Variants in FOXF2 observed in about 807,000 individuals in gnomAD.
The protein encoded by FOXF2 is forkhead box F2, also known as forkhead box protein F2.
In FOXF2, 15 loss-of-function variants were observed where a neutral mutation model predicts 29.1. The ratio of observed to expected loss-of-function variants is 0.52; its 90% CI spans 0.35 to 0.79. The LOEUF is 0.79. Among genes scored for constraint, FOXF2 ranks in the 30% least tolerant of loss-of-function variants. The pLI, the probability that FOXF2 is intolerant of heterozygous loss-of-function variation, is 0.01. For synonymous variants in FOXF2, 337 were observed against 316.5 expected, an observed-to-expected ratio of 1.06 and a Z score of -0.69; for missense variants, 675 against 667.1, an observed-to-expected ratio of 1.01 and a Z score of -0.13.
chr6:1,394,990 G>C lies in FOXF2; in HGVS notation c.*131G>C. On this transcript the variant is annotated 3_prime_UTR_variant, in exon 2 of 2. Transcript: ENST00000645481. ...CACACACCTGCCACTTAGCCAGAAT[G>C]CCCAGGATCGCGTTGGTCACTGTTA... The C allele has an allele frequency of 1.1e-6, 1 of 905,534 alleles. No homozygotes were observed. Among genetic ancestry groups the C allele is most frequent in the Non-Finnish European group, 1.8e-6 (1 of 571,190 alleles). The allele number at this position is 905,534 out of a possible 1,614,324, so 56.1% of individuals were successfully genotyped here. A position where few individuals can be genotyped will look rare whatever the true frequency, so the allele number is the denominator to read the frequency against.
chr6:1,390,623 G>A lies in FOXF2; in HGVS notation c.676G>A (p.Asp226Asn). Residue 226 changes from aspartate to asparagine, a missense_variant, in exon 1 of 2, where the codon GAC becomes AAC. Coordinates refer to ENST00000645481, the MANE Select transcript of FOXF2 (RefSeq NM_001452.2). The surrounding 1 kb of genome is among the most constrained non-coding windows in gnomAD (Gnocchi z 8.5). ...FGASLLPQGF[D>N]FQAPPSAPLG... ...GGCGTCGCTGCTGCCCCAGGGCTTC[G>A]ACTTCCAGGCGCCCCCGTCGGCGCC... 6.3e-7 allele frequency: 1 copy of A among 1,586,616 alleles called. No homozygotes were observed. Among genetic ancestry groups the A allele is most frequent in the Non-Finnish European group, 8.5e-7 (1 of 1,174,140 alleles).
Position 1,389,957 on chromosome 6 carries a change from G to C in FOXF2, c.10G>C (p.Glu4Gln), listed in dbSNP as rs1366299873. The C allele has an allele frequency of 2.0e-6, 2 of 996,826 alleles. No individual in the cohort carries two copies. Among genetic ancestry groups the C allele is most frequent in the Admixed American group, 5.8e-5 (1 of 17,264 alleles). 61.7% of individuals were successfully genotyped at this position (996,826 alleles called of 1,614,324 possible). Residue 4 changes from glutamate (E) to glutamine (Q), a missense_variant, in exon 1 of 2, where the codon GAG (glutamate) becomes CAG (glutamine). Around this residue, in one of 3 missense-constraint regions of FOXF2, gnomAD observed 220 missense variants for 205.5 expected, o/e 1.07. Coordinates refer to ENST00000645481, the MANE Select transcript of FOXF2 (RefSeq NM_001452.2). MTT[E>Q]GGPPPAPLRR... is the part of the protein sequence containing the mutation. ...CGCTCCCGGGTCCCAGATGACCACC[G>C]AGGGCGGGCCGCCGCCGGCCCCGCT...
intron 1 of FOXF2, among the ~76,000 whole-genome samples, chr6:1,393,297 G>C (rs933992490): frequency 2.6e-5 from 4 of 152,074 alleles, no homozygotes; most frequent in African/African-American, 9.7e-5. Context: ...GAGCACTTCA[G>C]GAAGGAGCTC....
Position 1,389,925 on chromosome 6 carries a change from C to T in FOXF2, c.-23C>T. 1.6e-5 allele frequency: 15 copies of T among 944,668 alleles called. No individual in the cohort carries two copies. Among genetic ancestry groups the T allele is most frequent in the Non-Finnish European group, 1.9e-5 (15 of 794,376 alleles). The allele number at this position is 944,668 out of a possible 1,614,324, so 58.5% of individuals were successfully genotyped here. On this transcript the variant is annotated 5_prime_UTR_variant, in exon 1 of 2. Transcript: ENST00000645481. Reference sequence around the variant, plus strand: ...CCCGCCCGGGGCCCGCCCTCGCGGCCCGGCCTCGCTCCCGGGTCCCAGATG... The same window carrying T: ...CCCGCCCGGGGCCCGCCCTCGCGGCTCGGCCTCGCTCCCGGGTCCCAGATG...
At chr6:1,392,024 T>C (rs796220470) in intron 1 of FOXF2, among the ~76,000 whole-genome samples, 7 of 152,312 alleles carry the variant, frequency 4.6e-5, no homozygotes, top group African/African-American at 1.7e-4. Context: ...TCGGAGCACC[T>C]AGGGCTGCAG....
Position 1,394,949 on chromosome 6 carries a change from G to C in FOXF2, c.*90G>C. The C allele has an allele frequency of 7.5e-7, 1 of 1,329,352 alleles. No homozygotes were observed. Among genetic ancestry groups the C allele is most frequent in the South Asian group, 1.2e-5 (1 of 84,780 alleles). The allele number at this position is 1,329,352 out of a possible 1,614,324, so 82.3% of individuals were successfully genotyped here. A position where few individuals can be genotyped will look rare whatever the true frequency, so the allele number is the denominator to read the frequency against. On this transcript the variant is annotated 3_prime_UTR_variant, in exon 2 of 2. Coordinates refer to ENST00000645481, the MANE Select transcript of FOXF2 (RefSeq NM_001452.2). ...TGGGACGGATTCAAGTCACATGCAC[G>C]CGGATAGCAGTAAGCCACACACCTG...
rs1282417731 is a variant in FOXF2 at position 1,394,896 on chromosome 6, C to A, written c.*37C>A. The A allele has an allele frequency of 6.2e-7, 1 of 1,609,712 alleles. No individual in the cohort carries two copies. The highest frequency in any genetic ancestry group is 8.5e-7 in the Non-Finnish European group (1 of 1,176,176). On this transcript the variant is annotated 3_prime_UTR_variant, in exon 2 of 2. Coordinates refer to ENST00000645481, the MANE Select transcript of FOXF2 (RefSeq NM_001452.2). Reference sequence around the variant, plus strand: ...CCAAGCGATGGCCGCTCTCTCCTCTCCCCTCCTCAGAGGGGGCAGATAGAA... The same window carrying A: ...CCAAGCGATGGCCGCTCTCTCCTCTACCCTCCTCAGAGGGGGCAGATAGAA...
Position 1,389,815 on chromosome 6 carries a change from C to A in FOXF2, c.-133C>A, listed in dbSNP as rs1198711564. ...AGGGAGGCGACGCCGAAGCGCTGGC[C>A]CGGAGTGGCCACGGCTGCAGCCCGG... is the stretch of plus-strand genomic sequence containing the variant. On this transcript the variant is annotated 5_prime_UTR_variant, in exon 1 of 2. Transcript: ENST00000645481. 2 of 163,272 alleles carry A rather than the reference C, an allele frequency of 1.2e-5. No homozygotes were observed. Among genetic ancestry groups the A allele is most frequent in the South Asian group, 1.7e-4 (1 of 5,780 alleles). 10.1% of individuals were successfully genotyped at this position (163,272 alleles called of 1,614,324 possible).
At position 1,389,658 on chromosome 6, in the gene FOXF2, C is replaced by G. The variant is rs1227789154; in HGVS notation, c.-290C>G. 5 of 150,296 alleles carry G rather than the reference C, an allele frequency of 3.3e-5. No homozygotes were observed. Among genetic ancestry groups the G allele is most frequent in the Admixed American group, 2.6e-4 (4 of 15,118 alleles). 9.3% of individuals were successfully genotyped at this position (150,296 alleles called of 1,614,324 possible). ...GGTCCCACTCGCGGGCGCAGTCGCC[C>G]GGCGCCGGCCGCTCGGCCCCGCGGC... On this transcript the variant is annotated 5_prime_UTR_variant, in exon 1 of 2. Coordinates refer to ENST00000645481, the MANE Select transcript of FOXF2 (RefSeq NM_001452.2).
chr6:1,394,899 C>T lies in FOXF2; in HGVS notation c.*40C>T, dbSNP rs760676267. ...AGCGATGGCCGCTCTCTCCTCTCCC[C>T]TCCTCAGAGGGGGCAGATAGAAACT... On this transcript the variant is annotated 3_prime_UTR_variant, in exon 2 of 2. Transcript: ENST00000645481. 5 of 1,607,104 alleles carry T rather than the reference C, an allele frequency of 3.1e-6. No homozygotes were observed. The highest frequency in any genetic ancestry group is 1.7e-4 in the Middle Eastern group (1 of 6,044).
At position 1,391,124 on chromosome 6, in the gene FOXF2, G is replaced by A. The variant is rs1346492403; in HGVS notation, c.1171+6G>A. 5.6e-6 allele frequency: 9 copies of A among 1,600,240 alleles called. No homozygotes were observed. Among genetic ancestry groups the A allele is most frequent in the Non-Finnish European group, 6.8e-6 (8 of 1,179,740 alleles). ...CGCTCGCGAGGACCTCTCAGGTAAC[G>A]CAGCACGCTCCAGCCCAGCCAGCTG... On this transcript the variant is annotated splice_donor_region_variant and intron_variant, in intron 1 of 1. Coordinates refer to ENST00000645481, the MANE Select transcript of FOXF2 (RefSeq NM_001452.2).
chr6:1,391,132 C>T lies in FOXF2; in HGVS notation c.1171+14C>T, dbSNP rs768536185. 5.0e-6 allele frequency: 8 copies of T among 1,599,606 alleles called. No homozygotes were observed. The highest frequency in any genetic ancestry group is 5.1e-6 in the Non-Finnish European group (6 of 1,179,724). On this transcript the variant is annotated intron_variant, in intron 1 of 1. Coordinates refer to ENST00000645481, the MANE Select transcript of FOXF2 (RefSeq NM_001452.2). ...AGGACCTCTCAGGTAACGCAGCACG[C>T]TCCAGCCCAGCCAGCTGGGCGCACC...
rs759285624 is a variant in FOXF2, at chr6:1,390,843, C to T, written c.896C>T (p.Ala299Val). Residue 299 changes from alanine (A) to valine (V), a missense_variant, in exon 1 of 2, where the codon GCG (alanine) becomes GTG (valine). By Grantham distance (64) the Ala-to-Val change is moderately conservative (BLOSUM62 0). Transcript: ENST00000645481. The surrounding 1 kb of genome is among the most constrained non-coding windows in gnomAD (Gnocchi z 8.5). ...PVPAGPGGVG[A>V]AGGGGGGDYG... ...CCCGCGGGACCCGGGGGCGTCGGTG[C>T]GGCCGGGGGCGGCGGCGGCGGCGAC... 2 of 1,374,038 alleles carry T rather than the reference C, an allele frequency of 1.5e-6. No individual in the cohort carries two copies. Among genetic ancestry groups the T allele is most frequent in the South Asian group, 1.6e-5 (1 of 60,724 alleles). The allele number at this position is 1,374,038 out of a possible 1,614,324, so 85.1% of individuals were successfully genotyped here.
At chr6:1,392,473 C>CACAT (rs1366223118) in intron 1 of FOXF2, among the ~76,000 whole-genome samples, 2 of 150,778 alleles carry the variant, frequency 1.3e-5, no homozygotes, top group Non-Finnish European at 3.0e-5. Flanking sequence ...CACACACACA[C>CACAT]ACACCCCTCG....
Position 1,394,678 on chromosome 6 carries a change from T to A in FOXF2, c.1172-18T>A. The A allele has an allele frequency of 1.2e-6, 2 of 1,613,990 alleles. No individual in the cohort carries two copies. ...TGACTTTGTTTCTGAAGAGGTTTTT[T>A]TTTCTTTCTTCTTTCAGTGGGACTG... On this transcript the variant is annotated intron_variant, in intron 1 of 1. Transcript: ENST00000645481.
intron 1 of FOXF2, among the ~76,000 whole-genome samples, chr6:1,394,336 G>T (rs144969773): frequency 0.016 from 2,481 of 152,254 alleles, 34 homozygotes; most frequent in South Asian, 0.03. Context: ...TGCCGGGAGA[G>T]ACCCGGAACC....
chr6:1,391,211 C>T (rs952664469), intron 1 of FOXF2, 93 bp downstream of exon 1: 4 of 1,560,320 alleles, frequency 2.6e-6, no homozygotes, highest in Admixed American at 3.7e-5. Flanking sequence ...ACAGGGACCC[C>T]GAAGCTAGGA....
In FOXF2 at chr6:1,390,642, C is replaced by G. The variant is rs1294268272; in HGVS notation, c.695C>G (p.Ser232Trp). Residue 232 changes from serine to tryptophan, a missense_variant, in exon 1 of 2, where the codon TCG becomes TGG. By Grantham distance (177) the Ser-to-Trp change is radical. Coordinates refer to ENST00000645481, the MANE Select transcript of FOXF2 (RefSeq NM_001452.2). This position sits in a 1 kb window ranked among gnomAD's most constrained non-coding sequence, Gnocchi z 8.5. ...PQGFDFQAPP[S>W]APLGCHSQGG... is the part of the protein sequence containing the mutation. ...GGCTTCGACTTCCAGGCGCCCCCGTCGGCGCCGCTCGGCTGCCACAGCCAG... is the reference window on the plus strand; with the variant it reads ...GGCTTCGACTTCCAGGCGCCCCCGTGGGCGCCGCTCGGCTGCCACAGCCAG... 6.4e-7 allele frequency: 1 copy of G among 1,572,522 alleles called. No homozygotes were observed. The highest frequency in any genetic ancestry group is 1.4e-5 in the African/African-American group (1 of 72,422).
At position 1,395,163 on chromosome 6, in the gene FOXF2, G is replaced by A. The variant is rs765491423; in HGVS notation, c.*304G>A. The A allele has an allele frequency of 1.9e-5, 8 of 421,970 alleles. No homozygotes were observed. The highest frequency in any genetic ancestry group is 1.1e-4 in the South Asian group (4 of 37,210). The allele number at this position is 421,970 out of a possible 1,614,324, so 26.1% of individuals were successfully genotyped here. A position where few individuals can be genotyped will look rare whatever the true frequency, so the allele number is the denominator to read the frequency against. Reference sequence around the variant, plus strand: ...ATCAACGTGTATCTGTGGGATCTTCGTTGCCTTCAGTAATCAGGGTGTGAA... The same window carrying A: ...ATCAACGTGTATCTGTGGGATCTTCATTGCCTTCAGTAATCAGGGTGTGAA... On this transcript the variant is annotated 3_prime_UTR_variant, in exon 2 of 2. Coordinates refer to ENST00000645481, the MANE Select transcript of FOXF2 (RefSeq NM_001452.2).
Sources: gnomAD v4.1 joint callset for allele counts (sites outside exome capture counted in the v4.1 genomes callset) on GRCh38, gnomAD v4.1.1 for gene constraint, gnomAD v4.1.1 regional missense constraint, Gnocchi (gnomAD v3.1) non-coding constraint, MANE v1.5 for transcripts, NCBI Gene and HGNC (gene_info 2026-07-23, HGNC 2026-07-21) for gene names.